Variants in GALNT13 observed in about 807,000 individuals in gnomAD.
GALNT13 encodes the protein UDP-GalNAc:polypeptide N-acetylgalactosaminyltransferase 13.
In GALNT13, 28 loss-of-function variants were observed where a neutral mutation model predicts 64.2. The observed-to-expected ratio is 0.44, with a 90% confidence interval of 0.32 to 0.60. The LOEUF (loss-of-function observed/expected upper bound fraction) is 0.60, where lower values mean the gene tolerates loss of function less well. Among genes scored for constraint, GALNT13 ranks in the 20% least tolerant of loss-of-function variants. The pLI is 0.05. For missense variants in GALNT13, 577 were observed against 669.8 expected, an observed-to-expected ratio of 0.86 and a Z score of 1.53; for synonymous variants, 214 against 224.6, an observed-to-expected ratio of 0.95 and a Z score of 0.42.
chr2:153,761,165 T>C, the GALNT13 span, among the ~76,000 whole-genome samples: 1 of 152,154 alleles, frequency 6.6e-6, no homozygotes, highest in East Asian at 1.9e-4. Context: ...GTCTTGTTTT[T>C]TAAATCAAGT....
intron 4 of GALNT13, among the ~76,000 whole-genome samples, chr2:154,182,306 C>T (rs746806513): frequency 4.6e-5 from 7 of 152,116 alleles, no homozygotes; most frequent in Non-Finnish European, 7.4e-5. Flanking sequence ...TTTCCAGTTG[C>T]GCATACTGAA....
intron 8 of GALNT13, among the ~76,000 whole-genome samples, chr2:154,298,494 A>G (rs1693084066): frequency 7.8e-6 from 1 of 127,642 alleles, no homozygotes; most frequent in South Asian, 2.2e-4. Flanking sequence ...TATATAAATT[A>G]TATATACATA....
the GALNT13 span, among the ~76,000 whole-genome samples, chr2:153,685,717 A>T: frequency 6.6e-6 from 1 of 151,818 alleles, no homozygotes; most frequent in Non-Finnish European, 1.5e-5. Context: ...GCTTTTGGCA[A>T]TTTCATCAGG....
intron 9 of GALNT13, among the ~76,000 whole-genome samples, chr2:154,344,068 A>G (rs1262738463): frequency 5.9e-5 from 9 of 151,962 alleles, no homozygotes; most frequent in Admixed American, 5.9e-4. Flanking sequence ...TACTTGATAG[A>G]ATATGTTTCT....
chr2:154,133,424 A>C (rs2105554568), intron 3 of GALNT13, among the ~76,000 whole-genome samples: 1 of 151,368 alleles, frequency 6.6e-6, no homozygotes, highest in African/African-American at 2.4e-5. Flanking sequence ...TGCTATGATT[A>C]AAGATTTTTG....
At chr2:153,913,520 A>G (rs1305402174) in intron 2 of GALNT13, among the ~76,000 whole-genome samples, 1 of 152,152 alleles carries the variant, frequency 6.6e-6, no homozygotes, top group East Asian at 1.9e-4. Context: ...TCCGCTACAG[A>G]CACTCCAACA....
chr2:154,274,419 G>A (rs1323551826), intron 8 of GALNT13, among the ~76,000 whole-genome samples: 1 of 152,186 alleles, frequency 6.6e-6, no homozygotes, highest in East Asian at 1.9e-4. Flanking sequence ...CTGCTGCTGT[G>A]ATCCTTGATA....
chr2:153,660,612 T>TAC, the GALNT13 span, among the ~76,000 whole-genome samples: 4 of 149,838 alleles, frequency 2.7e-5, no homozygotes, highest in African/African-American at 9.8e-5. Context: ...ATATACACAT[T>TAC]ATATATATAT....
the GALNT13 span, among the ~76,000 whole-genome samples, chr2:153,801,883 A>G: frequency 6.6e-6 from 1 of 152,042 alleles, no homozygotes; most frequent in African/African-American, 2.4e-5. Context: ...TGCTTCGTGT[A>G]TTCTTTCACT....
chr2:153,607,261 A>G, the GALNT13 span, among the ~76,000 whole-genome samples: 4 of 152,134 alleles, frequency 2.6e-5, no homozygotes, highest in Non-Finnish European at 5.9e-5. Context: ...GGGCAACTGC[A>G]TTCCTTCATC....
the GALNT13 span, among the ~76,000 whole-genome samples, chr2:153,821,749 A>G: frequency 6.6e-6 from 1 of 152,176 alleles, no homozygotes; most frequent in Admixed American, 6.5e-5. Context: ...AGAACTGAAC[A>G]GAATTGTGAC....
intron 9 of GALNT13, among the ~76,000 whole-genome samples, chr2:154,369,027 G>T (rs1211241308): frequency 6.9e-6 from 1 of 144,500 alleles, no homozygotes; most frequent in Non-Finnish European, 1.5e-5. Flanking sequence ...TTGTTTTCAG[G>T]ATTATACTTA....
chr2:154,271,296 A>T (rs1691341545), intron 8 of GALNT13, among the ~76,000 whole-genome samples: 3 of 152,018 alleles, frequency 2.0e-5, no homozygotes, highest in Admixed American at 6.6e-5. Flanking sequence ...ATTGGCCATT[A>T]CTGGCTGCAA....
chr2:154,114,784 A>T (rs558369462), intron 3 of GALNT13, among the ~76,000 whole-genome samples: 2 of 152,290 alleles, frequency 1.3e-5, no homozygotes, highest in South Asian at 4.1e-4. Context: ...TTTTAATTCT[A>T]GGAACACTGT....
intron 3 of GALNT13, among the ~76,000 whole-genome samples, chr2:154,132,894 C>CA (rs5835498): frequency 0.67 from 88,585 of 132,358 alleles, 29,523 homozygotes; most frequent in East Asian, 0.92. Context: ...GACTCTGTCT[C>CA]AAAAAAAAAA....
At chr2:153,225,460 C>T in the GALNT13 span, among the ~76,000 whole-genome samples, 1 of 152,104 alleles carries the variant, frequency 6.6e-6, no homozygotes, top group African/African-American at 2.4e-5. Context: ...TCTCACCACT[C>T]CTATTCACCC....
the GALNT13 span, among the ~76,000 whole-genome samples, chr2:153,720,427 G>A: frequency 6.6e-6 from 1 of 152,008 alleles, no homozygotes; most frequent in East Asian, 1.9e-4. Context: ...AAGGAACGCA[G>A]TTCCTCACCA....
At chr2:153,703,788 G>T in the GALNT13 span, among the ~76,000 whole-genome samples, 2 of 152,120 alleles carry the variant, frequency 1.3e-5, no homozygotes, top group Non-Finnish European at 2.9e-5. Flanking sequence ...CTCATAGATA[G>T]CAGAATATGC....
the GALNT13 span, among the ~76,000 whole-genome samples, chr2:153,650,542 G>A: frequency 1.3e-5 from 2 of 152,298 alleles, no homozygotes; most frequent in South Asian, 4.1e-4. Flanking sequence ...TTTAGTTGAT[G>A]CAGTTTCTTC....
Sources: allele counts gnomAD v4.1 joint callset (sites outside exome capture counted in the v4.1 genomes callset), GRCh38; gene constraint gnomAD v4.1.1; transcripts MANE v1.5; gene names NCBI Gene and HGNC (gene_info 2026-07-23, HGNC 2026-07-21).